The following FBLN1 variants were observed in gnomAD, a reference collection of about 807,000 sequenced individuals.
FBLN1 encodes fibulin 1, also known as fibulin-1.
A neutral mutation model predicts 89.7 loss-of-function variants in FBLN1; 34 were observed. The ratio of observed to expected loss-of-function variants is 0.38; its 90% CI spans 0.29 to 0.50. The LOEUF is 0.50. Among genes scored for constraint, FBLN1 ranks in the 20% least tolerant of loss-of-function variants. FBLN1 has a pLI of 0.92. For synonymous variants in FBLN1, 393 were observed against 391.3 expected (o/e 1.00, Z -0.05); for missense variants, 777 against 988.1 (o/e 0.79, Z 2.86).
chr22:45,535,591 G>T (rs1439801995), intron 8 of FBLN1: 2 of 476,370 alleles, frequency 4.2e-6, no homozygotes, highest in Non-Finnish European at 7.6e-6. Context: ...AATGGGTGTG[G>T]CTGTGTTCCA....
At chr22:45,521,732 C>G (rs1469350380) in intron 2 of FBLN1, among the ~76,000 whole-genome samples, 1 of 152,140 alleles carries the variant, frequency 6.6e-6, no homozygotes, top group East Asian at 1.9e-4. Flanking sequence ...CCTCCCCAAC[C>G]TGGGGAGGTC....
In FBLN1 at chr22:45,535,183, T is replaced by C. The variant is rs2088467644; in HGVS notation, c.785-17T>C. The C allele has an allele frequency of 6.2e-7, 1 of 1,614,072 alleles. No homozygotes were observed. Among genetic ancestry groups the C allele is most frequent in the African/African-American group, 1.3e-5 (1 of 74,944 alleles). On this transcript the variant is annotated splice_polypyrimidine_tract_variant and intron_variant, in intron 7 of 16. Coordinates refer to ENST00000327858, the MANE Select transcript of FBLN1 (RefSeq NM_006486.3). ...CAGGACTCTTGCTAACAATTTCCTT[T>C]TTTTATGATGTACCAGATATTGACG...
chr22:45,525,744 A>G, intron 3 of FBLN1, 66 bp downstream of exon 3: 1 of 1,547,302 alleles, frequency 6.5e-7, no homozygotes, highest in East Asian at 2.4e-5. Context: ...AGGCCCTCCC[A>G]GCCAAGCGGC....
chr22:45,506,733 C>T (rs1569230598), intron 1 of FBLN1, among the ~76,000 whole-genome samples: 1 of 152,154 alleles, frequency 6.6e-6, no homozygotes, highest in Non-Finnish European at 1.5e-5. Flanking sequence ...CTTCCAGTTC[C>T]ACCCCCTCCT....
Position 45,542,203 on chromosome 22 carries a change from G to T in FBLN1, c.1115G>T (p.Arg372Leu), listed in dbSNP as rs777432212. ...GCTGAGCCCTGTGGGAAGGGACATC[G>T]CTGCGTGAACTCTCCCGGCAGTTTC... Reference protein sequence around the residue: ...PPAEPCGKGHRCVNSPGSFRC... With the variant: ...PPAEPCGKGHLCVNSPGSFRC... The change falls in exon 10 of 17, where the codon CGC (arginine) becomes CTC (leucine). Residue 372 changes from arginine (R) to leucine (L), a missense_variant. By Grantham distance (102) the Arg-to-Leu change is moderately radical. Coordinates refer to ENST00000327858, the MANE Select transcript of FBLN1 (RefSeq NM_006486.3). 12 of 1,614,066 alleles carry T rather than the reference G, an allele frequency of 7.4e-6. No homozygotes were observed. The South Asian group carries it at 1.2e-4, about 16-fold the overall frequency.
rs573592321 is a variant in FBLN1, at chr22:45,546,102, C to T, written c.1322-983C>T. Among the ~76,000 whole-genome samples, 425 of 152,234 alleles carry T rather than the reference C, an allele frequency of 2.8e-3. 1 individual carries two copies. Among genetic ancestry groups the T allele is most frequent in the African/African-American group, 9.5e-3 (395 of 41,540 alleles). On this transcript the variant is annotated intron_variant, in intron 11 of 16. Transcript: ENST00000327858. ...GTCCACATTTAGTGGACAATAGCCTCCCGGAGGTGGAGATTGCAGTGAGCT... is the reference window on the plus strand; with the variant it reads ...GTCCACATTTAGTGGACAATAGCCTTCCGGAGGTGGAGATTGCAGTGAGCT...
rs1007367284 is a variant in FBLN1 at position 45,588,637 on chromosome 22, G to A, written c.1972+11529G>A. 1.4e-5 allele frequency among the ~76,000 whole-genome samples: 2 copies of A among 147,862 alleles called. No homozygotes were observed. The highest frequency in any genetic ancestry group is 4.9e-5 in the African/African-American group (2 of 41,094). On this transcript the variant is annotated intron_variant, in intron 16 of 16. Coordinates refer to ENST00000327858, the MANE Select transcript of FBLN1 (RefSeq NM_006486.3). The surrounding 1 kb of genome is among the most constrained non-coding windows in gnomAD (Gnocchi z 5.1). ...GTCACCAAGGGGTTAAAAGGGGCTG[G>A]GAACAGCCTCTTAGTCTCCAGAGCC...
intron 1 of FBLN1, chr22:45,517,700 T>A (rs1385902754): frequency 6.5e-6 from 3 of 462,136 alleles, no homozygotes; most frequent in Non-Finnish European, 1.3e-5. Context: ...GATCTTGTGG[T>A]AAGTCAAGGG....
At chr22:45,524,999 G>A (rs912765207) in intron 2 of FBLN1, among the ~76,000 whole-genome samples, 3 of 151,984 alleles carry the variant, frequency 2.0e-5, no homozygotes, top group Non-Finnish European at 4.4e-5. Flanking sequence ...CAGGAGAATC[G>A]CTTGAACCCG....
intron 2 of FBLN1, 54 bp downstream of exon 2, chr22:45,518,841 G>T: frequency 6.9e-7 from 1 of 1,452,786 alleles, no homozygotes; most frequent in Non-Finnish European, 9.5e-7. Flanking sequence ...TTAGAGAAAA[G>T]TGGGGGAGGA....
At chr22:45,525,127 A>G (rs2097522) in intron 2 of FBLN1, among the ~76,000 whole-genome samples, 31,324 of 150,666 alleles carry the variant, frequency 0.21, 3,695 homozygotes, top group East Asian at 0.45. Context: ...GAGAGAAAGA[A>G]AAACAGAGAG....
chr22:45,535,509 GC>G, intron 8 of FBLN1, 172 bp downstream of exon 8: 1 of 744,874 alleles, frequency 1.3e-6, no homozygotes. Flanking sequence ...GCCGTTGTGG[GC>G]CATATGGTCT....
At chr22:45,509,923 C>CAT (rs1296849621) in intron 1 of FBLN1, among the ~76,000 whole-genome samples, 1 of 152,046 alleles carries the variant, frequency 6.6e-6, no homozygotes, top group Non-Finnish European at 1.5e-5. Flanking sequence ...TGTGGTGAGT[C>CAT]CGGGAGGCAC....
chr22:45,582,457 C>T (rs1049282763), intron 16 of FBLN1, among the ~76,000 whole-genome samples: 2 of 152,172 alleles, frequency 1.3e-5, no homozygotes, highest in African/African-American at 4.8e-5. Context: ...TGGAGGGTCT[C>T]TCTCCGGCTC....
intron 1 of FBLN1, 158 bp downstream of exon 1, chr22:45,503,222 C>T (rs1048134805): frequency 7.9e-6 from 3 of 377,856 alleles, no homozygotes; most frequent in African/African-American, 2.2e-5. Flanking sequence ...ACGCCCCCCT[C>T]CCCCACGGCC....
chr22:45,519,805 T>C (rs1277311976), intron 2 of FBLN1, among the ~76,000 whole-genome samples: 2 of 152,066 alleles, frequency 1.3e-5, no homozygotes, highest in East Asian at 1.9e-4. Flanking sequence ...ACCAACCTGG[T>C]TGGGTTTCAG....
At chr22:45,593,227 T>C (rs1045656472) in intron 16 of FBLN1, among the ~76,000 whole-genome samples, 1 of 116,810 alleles carries the variant, frequency 8.6e-6, no homozygotes, top group African/African-American at 3.3e-5. Context: ...CAACATCAAA[T>C]AGCAGGAGCT....
chr22:45,555,729 C>T (rs2088780024), intron 14 of FBLN1, among the ~76,000 whole-genome samples: 1 of 152,294 alleles, frequency 6.6e-6, no homozygotes, highest in African/African-American at 2.4e-5. Context: ...CCCTTGTCAA[C>T]TTGAACCCAT....
At position 45,531,132 on chromosome 22, in the gene FBLN1, C is replaced by T. The variant is rs1009876438; in HGVS notation, c.485-133C>T. The T allele has an allele frequency of 1.3e-6, 1 of 759,534 alleles. No individual in the cohort carries two copies. Among genetic ancestry groups the T allele is most frequent in the African/African-American group, 1.7e-5 (1 of 58,306 alleles). 47.0% of individuals were successfully genotyped at this position (759,534 alleles called of 1,614,324 possible). On this transcript the variant is annotated intron_variant, in intron 4 of 16. Transcript: ENST00000327858. The surrounding 1 kb of genome is among the most constrained non-coding windows in gnomAD (Gnocchi z 4.9). ...TAGCTTAAAGAGGATAAAGTTAATA[C>T]TTAGCTGTTTATATAAGATGTTCAA...
Sources: gnomAD v4.1 joint callset for allele counts (sites outside exome capture counted in the v4.1 genomes callset) on GRCh38, gnomAD v4.1.1 for gene constraint, Gnocchi (gnomAD v3.1) non-coding constraint, MANE v1.5 for transcripts, NCBI Gene and HGNC (gene_info 2026-07-23, HGNC 2026-07-21) for gene names.